The following KCNIP4 variants were observed in gnomAD, a reference collection of about 807,000 sequenced individuals.
The protein encoded by KCNIP4 is Kv channel-interacting protein 4.
KCNIP4 carries 12 observed loss-of-function variants against 34.0 expected under a neutral mutation model. The observed-to-expected ratio is 0.35, with a 90% confidence interval of 0.23 to 0.57. KCNIP4 has a LOEUF of 0.57. Among genes scored for constraint, KCNIP4 ranks in the 20% least tolerant of loss-of-function variants. The pLI is 0.83. For missense variants in KCNIP4, 238 were observed against 311.7 expected (o/e 0.76, Z 1.78); for synonymous variants, 124 against 102.2 (o/e 1.21, Z -1.29).
intron 1 of KCNIP4, among the ~76,000 whole-genome samples, chr4:21,550,254 A>G (rs1325701122): frequency 2.6e-5 from 4 of 152,124 alleles, no homozygotes; most frequent in Admixed American, 1.3e-4. Flanking sequence ...CTAATAGCCA[A>G]TGGGAGAAAG....
At chr4:21,898,078 A>C (rs7439043) in intron 1 of KCNIP4, among the ~76,000 whole-genome samples, 1 of 152,048 alleles carries the variant, frequency 6.6e-6, no homozygotes, top group East Asian at 1.9e-4. Flanking sequence ...TGGAGGGAGC[A>C]TCTAGACAAG....
At chr4:20,785,043 T>C (rs761152342) in intron 3 of KCNIP4, among the ~76,000 whole-genome samples, 40 of 152,230 alleles carry the variant, frequency 2.6e-4, no homozygotes, top group Admixed American at 6.5e-4. Context: ...ATATATATCA[T>C]TGGGAAGAGA....
intron 1 of KCNIP4, among the ~76,000 whole-genome samples, chr4:21,202,711 A>G (rs1056416210): frequency 2.6e-5 from 4 of 152,112 alleles, no homozygotes; most frequent in African/African-American, 9.7e-5. Flanking sequence ...TGTTCTTTCC[A>G]CTTGTTTATA....
intron 1 of KCNIP4, among the ~76,000 whole-genome samples, chr4:21,036,152 T>C (rs1741423425): frequency 6.6e-6 from 1 of 152,208 alleles, no homozygotes; most frequent in Admixed American, 6.5e-5. Flanking sequence ...AGAGTCTGTT[T>C]GGAACATACT....
rs115221662 is a variant in KCNIP4, at chr4:21,860,516, T to C, written c.61+88055A>G. On this transcript the variant is annotated intron_variant, in intron 1 of 8. Coordinates refer to ENST00000382152, the MANE Select transcript of KCNIP4 (RefSeq NM_025221.6). ...TTTAAATGTTATGACTTTTTTCCCA[T>C]TTTTGCTAAAAGAATATAATTATTT... Among the ~76,000 whole-genome samples, 951 of 152,288 alleles carry C rather than the reference T, an allele frequency of 6.2e-3. 14 individuals carry two copies. Among genetic ancestry groups the C allele is most frequent in the African/African-American group, 0.022 (902 of 41,554 alleles).
At chr4:21,696,040 T>C (rs996857976) in intron 1 of KCNIP4, among the ~76,000 whole-genome samples, 4 of 152,088 alleles carry the variant, frequency 2.6e-5, no homozygotes, top group Admixed American at 2.6e-4. Flanking sequence ...ATACAGACTC[T>C]CAATGATTAT....
chr4:21,507,364 A>C (rs1481317524), intron 1 of KCNIP4, among the ~76,000 whole-genome samples: 1 of 151,514 alleles, frequency 6.6e-6, no homozygotes, highest in Non-Finnish European at 1.5e-5. Context: ...TCCCGGGTTC[A>C]AGCAATTCTC....
chr4:21,678,616 C>G (rs1013558405), intron 1 of KCNIP4, among the ~76,000 whole-genome samples: 1 of 152,176 alleles, frequency 6.6e-6, no homozygotes, highest in Non-Finnish European at 1.5e-5. Context: ...GACATGCTTT[C>G]TGCTTCTTGA....
intron 1 of KCNIP4, among the ~76,000 whole-genome samples, chr4:21,264,082 A>G (rs1047431005): frequency 6.1e-5 from 7 of 115,222 alleles, no homozygotes; most frequent in Non-Finnish European, 1.3e-4. Flanking sequence ...TGCAAAGCTC[A>G]TGTTCTTAAA....
intron 1 of KCNIP4, among the ~76,000 whole-genome samples, chr4:21,631,537 C>T (rs6832022): frequency 0.069 from 10,489 of 152,156 alleles, 440 homozygotes; most frequent in Non-Finnish European, 0.098. Context: ...GGAGTTAATG[C>T]TATAAACACT....
chr4:21,049,399 A>G (rs540690497), intron 1 of KCNIP4, among the ~76,000 whole-genome samples: 2 of 152,186 alleles, frequency 1.3e-5, no homozygotes, highest in Admixed American at 1.3e-4. Context: ...CTTTAATATT[A>G]TGCAGCAATA....
At chr4:20,957,050 TAGAAAA>T (rs571018037) in intron 1 of KCNIP4, among the ~76,000 whole-genome samples, 1 of 150,582 alleles carries the variant, frequency 6.6e-6, no homozygotes, top group Admixed American at 6.6e-5. Flanking sequence ...AAAGAAAGAA[TAGAAAA>T]AGAAAAAGTG....
intron 1 of KCNIP4, among the ~76,000 whole-genome samples, chr4:21,414,017 T>C (rs1381500718): frequency 6.6e-6 from 1 of 152,158 alleles, no homozygotes; most frequent in African/African-American, 2.4e-5. Flanking sequence ...CCTACCTGTG[T>C]CAGTCAGTAG....
chr4:21,107,630 G>T (rs1167468901), intron 1 of KCNIP4, among the ~76,000 whole-genome samples: 1 of 150,566 alleles, frequency 6.6e-6, no homozygotes, highest in Non-Finnish European at 1.5e-5. Flanking sequence ...GTATGAATTT[G>T]ATCCTGTCAT....
intron 1 of KCNIP4, among the ~76,000 whole-genome samples, chr4:21,325,373 C>T (rs1714932909): frequency 6.6e-6 from 1 of 151,584 alleles, no homozygotes; most frequent in South Asian, 2.1e-4. Flanking sequence ...TTAGGTTTTC[C>T]AATTTATTGG....
intron 1 of KCNIP4, among the ~76,000 whole-genome samples, chr4:21,869,207 A>G (rs1224608239): frequency 1.3e-5 from 2 of 151,676 alleles, no homozygotes; most frequent in African/African-American, 4.8e-5. Context: ...TTCTACCCCA[A>G]TTTTCTCCTC....
intron 1 of KCNIP4, among the ~76,000 whole-genome samples, chr4:21,246,009 A>G (rs2109061898): frequency 6.6e-6 from 1 of 152,314 alleles, no homozygotes; most frequent in African/African-American, 2.4e-5. Context: ...AACCAGGTAT[A>G]AGCATCCTAT....
At chr4:20,755,266 C>T (rs541792249) in intron 4 of KCNIP4, among the ~76,000 whole-genome samples, 1 of 152,160 alleles carries the variant, frequency 6.6e-6, no homozygotes, top group South Asian at 2.1e-4. Flanking sequence ...TTTGTTTTGA[C>T]ATGTTAGGCA....
At chr4:21,419,588 A>C (rs1435353271) in intron 1 of KCNIP4, among the ~76,000 whole-genome samples, 2 of 152,178 alleles carry the variant, frequency 1.3e-5, no homozygotes, top group Non-Finnish European at 2.9e-5. Context: ...AGTACTTAGT[A>C]TGGTGCCTAG....
Sources: gnomAD v4.1 joint callset for allele counts (sites outside exome capture counted in the v4.1 genomes callset) on GRCh38, gnomAD v4.1.1 for gene constraint, MANE v1.5 for transcripts, NCBI Gene and HGNC (gene_info 2026-07-23, HGNC 2026-07-21) for gene names.